Variants in DPY19L4 observed in about 807,000 individuals in gnomAD.
The protein encoded by DPY19L4 is probable C-mannosyltransferase DPY19L4.
Under a neutral mutation model 102.8 loss-of-function variants are expected in DPY19L4, and 97 were observed. The observed-to-expected ratio is 0.94, with a 90% CI of 0.80 to 1.12. The LOEUF is 1.12. DPY19L4 is among the 50% of genes most tolerant of loss of function. DPY19L4 has a pLI of 0.00. For synonymous variants in DPY19L4, 252 were observed against 283.1 expected (o/e 0.89, Z 1.10); for missense variants, 815 against 850.4 (o/e 0.96, Z 0.52).
intron 2 of DPY19L4, among the ~76,000 whole-genome samples, chr8:94,731,421 T>C (rs577837243): frequency 1.3e-5 from 2 of 152,256 alleles, no homozygotes; most frequent in South Asian, 4.1e-4. Flanking sequence ...TAACAGAAAT[T>C]TTATTTTATT....
Position 94,774,345 on chromosome 8 carries a change from C to T in DPY19L4, c.1455-3321C>T, listed in dbSNP as rs1372834951. Among the ~76,000 whole-genome samples, 19 of 151,398 alleles carry T rather than the reference C, an allele frequency of 1.3e-4. No individual in the cohort carries two copies. In the East Asian group the frequency reaches 3.6e-3, roughly 29 times the overall value. On this transcript the variant is annotated intron_variant, in intron 13 of 18. Transcript: ENST00000414645. Reference sequence around the variant, plus strand: ...TATAGGCATGAGCCCCTGTGCCCAGCTACATTTAAGTTTTTTTAAAATTAT... The same window carrying T: ...TATAGGCATGAGCCCCTGTGCCCAGTTACATTTAAGTTTTTTTAAAATTAT...
At chr8:94,760,240 C>T (rs139402015) in intron 7 of DPY19L4, among the ~76,000 whole-genome samples, 96 of 152,334 alleles carry the variant, frequency 6.3e-4, no homozygotes, top group Non-Finnish European at 1.2e-3. Flanking sequence ...CCCCCAGAAT[C>T]TCAGAAGCAA....
chr8:94,737,251 T>TCTCGC (rs1355636177), intron 3 of DPY19L4, among the ~76,000 whole-genome samples: 2 of 151,940 alleles, frequency 1.3e-5, no homozygotes, highest in African/African-American at 4.8e-5. Flanking sequence ...AGTGGTGTGA[T>TCTCGC]CTCGCCTCAC....
At position 94,789,813 on chromosome 8, in the gene DPY19L4, TTAAC is replaced by T; in HGVS notation, c.2078_2081del (p.Asn693IlefsTer5). The T allele has an allele frequency of 6.2e-7, 1 of 1,612,116 alleles. No individual in the cohort carries two copies. The highest frequency in any genetic ancestry group is 1.1e-5 in the South Asian group (1 of 90,538). Reference sequence around the variant, plus strand: ...GGGCGATTTTGTCATGAGGTCAAAATTAACTATTCTCCATATGTGAATTATTTCA... The same window carrying T: ...GGGCGATTTTGTCATGAGGTCAAAATTATTCTCCATATGTGAATTATTTCA... On this transcript the variant is annotated frameshift_variant, in exon 19 of 19. Coordinates refer to ENST00000414645, the MANE Select transcript of DPY19L4 (RefSeq NM_181787.3). LOFTEE classifies it high-confidence loss of function.
At position 94,757,703 on chromosome 8, in the gene DPY19L4, C is replaced by G. The variant is rs1165878647; in HGVS notation, c.735+1544C>G. Among the ~76,000 whole-genome samples the G allele has an allele frequency of 2.0e-5, 3 of 152,260 alleles. No individual in the cohort carries two copies. The East Asian group carries it at 5.8e-4, about 29-fold the overall frequency. ...GGGACTACAGCCGTGAGCCACTGCGCCTGGCCAAGAGTATATTTTCTTTAA... is the reference window on the plus strand; with the variant it reads ...GGGACTACAGCCGTGAGCCACTGCGGCTGGCCAAGAGTATATTTTCTTTAA... On this transcript the variant is annotated intron_variant, in intron 7 of 18. Transcript: ENST00000414645.
chr8:94,729,166 C>G (rs147849720), intron 2 of DPY19L4, among the ~76,000 whole-genome samples: 3,934 of 151,866 alleles, frequency 0.026, 147 homozygotes, highest in African/African-American at 0.079. Flanking sequence ...GTCAGGAGAT[C>G]GAGACCATCC....
At chr8:94,720,332 G>C in intron 1 of DPY19L4, 1 of 909,406 alleles carries the variant, frequency 1.1e-6, no homozygotes, top group Non-Finnish European at 1.3e-6. Context: ...TTGGTGAAGT[G>C]GGAGGCGCAG....
At chr8:94,739,885 T>C in intron 6 of DPY19L4, 95 bp downstream of exon 6, 1 of 1,422,940 alleles carries the variant, frequency 7.0e-7, no homozygotes, top group Non-Finnish European at 9.6e-7. Flanking sequence ...GTCCTCACTC[T>C]AATCCTCAGA....
chr8:94,745,339 G>T (rs1165608473), intron 6 of DPY19L4, among the ~76,000 whole-genome samples: 1 of 114,424 alleles, frequency 8.7e-6, no homozygotes, highest in East Asian at 2.0e-4. Context: ...AAATTGTCTT[G>T]TTCCCCATGA....
At chr8:94,780,477 T>G (rs1019117953) in intron 15 of DPY19L4, 62 bp downstream of exon 15, 9 of 1,083,946 alleles carry the variant, frequency 8.3e-6, no homozygotes, top group Middle Eastern at 6.5e-4. Context: ...AGTGATAAAT[T>G]TATATGTGTG....
rs766370152 is a variant in DPY19L4 at position 94,789,902 on chromosome 8, C to T, written c.2164C>T (p.Gln722Ter). ...TAAAATCAACACTGTGATATCCTTC[C>T]AGTCTTGAAAAATAACAGAGCCTTC... ...VYKINTVISFQS is the reference protein window; with the variant it reads ...VYKINTVISF Residue 722 changes from glutamine (Q) to a stop codon, truncating the protein, a stop_gained, in exon 19 of 19, where the codon CAG becomes TAG. Coordinates refer to ENST00000414645, the MANE Select transcript of DPY19L4 (RefSeq NM_181787.3). LOFTEE classifies it high-confidence loss of function. 6.3e-7 allele frequency: 1 copy of T among 1,591,142 alleles called. No individual in the cohort carries two copies. Among genetic ancestry groups the T allele is most frequent in the Admixed American group, 1.9e-5 (1 of 53,966 alleles).
chr8:94,757,786 G>A (rs1300412329), intron 7 of DPY19L4, among the ~76,000 whole-genome samples: 3 of 152,132 alleles, frequency 2.0e-5, no homozygotes, highest in African/African-American at 7.2e-5. Context: ...TGTCAGGGAA[G>A]AATAGTTTTT....
chr8:94,776,823 G>C (rs1261437120), intron 13 of DPY19L4, among the ~76,000 whole-genome samples: 2 of 151,824 alleles, frequency 1.3e-5, no homozygotes, highest in Admixed American at 1.3e-4. Context: ...AAATTAGCTG[G>C]GCGTGGTGGC....
chr8:94,732,475 T>TGAGACCAGGATTTC (rs1309317733), intron 2 of DPY19L4, among the ~76,000 whole-genome samples: 1 of 152,136 alleles, frequency 6.6e-6, no homozygotes, highest in Non-Finnish European at 1.5e-5. Flanking sequence ...AAGGATCTGT[T>TGAGACCAGGATTTC]GAGACCAGGA....
intron 18 of DPY19L4, 55 bp downstream of exon 18, chr8:94,788,107 G>GA: frequency 1.1e-6 from 1 of 935,128 alleles, no homozygotes; most frequent in South Asian, 3.7e-5. Context: ...TTTTTTTTTA[G>GA]AAAAATGACT....
intron 4 of DPY19L4, 41 bp downstream of exon 4, chr8:94,738,500 CT>C: frequency 4.7e-6 from 6 of 1,282,176 alleles, no homozygotes; most frequent in East Asian, 2.8e-5. Context: ...CAGTATTTTC[CT>C]TTTTCTTTTC....
At chr8:94,730,331 G>A (rs932777947) in intron 2 of DPY19L4, among the ~76,000 whole-genome samples, 1 of 152,142 alleles carries the variant, frequency 6.6e-6, no homozygotes, top group Non-Finnish European at 1.5e-5. Flanking sequence ...AACTAAAATG[G>A]TTGTATTTTA....
intron 13 of DPY19L4, among the ~76,000 whole-genome samples, chr8:94,777,173 C>T (rs956253300): frequency 1.3e-5 from 2 of 151,790 alleles, no homozygotes; most frequent in Non-Finnish European, 2.9e-5. Flanking sequence ...CTTAGGTGAT[C>T]CTCCTGCCTC....
chr8:94,720,025 CG>C lies in DPY19L4; in HGVS notation c.16+15del. The C allele has an allele frequency of 1.3e-6, 2 of 1,527,014 alleles. No homozygotes were observed. Among genetic ancestry groups the C allele is most frequent in the South Asian group, 1.2e-5 (1 of 81,742 alleles). The allele number at this position is 1,527,014 out of a possible 1,614,324, so 94.6% of individuals were successfully genotyped here. On this transcript the variant is annotated intron_variant, in intron 1 of 18. Transcript: ENST00000414645. ...TGGCGGAGGAAGAAGGTGATTGCCG[CG>C]GGGTCCAGCGCGCCAACGGCTGCCA...
Sources: gnomAD v4.1 joint callset for allele counts (sites outside exome capture counted in the v4.1 genomes callset) on GRCh38, gnomAD v4.1.1 for gene constraint, MANE v1.5 for transcripts, NCBI Gene and HGNC (gene_info 2026-07-23, HGNC 2026-07-21) for gene names.